The following KCNH5 variants were observed in gnomAD, a reference collection of about 807,000 sequenced individuals.
KCNH5 encodes the protein potassium voltage-gated channel subfamily H member 5.
Under a neutral mutation model 96.1 loss-of-function variants are expected in KCNH5, and 46 were observed. That is an observed-to-expected ratio of 0.48 (90% CI 0.38 to 0.61). The LOEUF is 0.61. KCNH5 is among the 20% of genes least tolerant of loss of function. The pLI, the probability that KCNH5 is intolerant of heterozygous loss-of-function variation, is 0.00. For synonymous variants in KCNH5, 439 were observed against 449.8 expected (o/e 0.98, Z 0.30); for missense variants, 907 against 1,225.8 (o/e 0.74, Z 3.88).
intron 7 of KCNH5, among the ~76,000 whole-genome samples, chr14:62,887,309 G>C (rs1888617045): frequency 6.6e-6 from 1 of 152,274 alleles, no homozygotes; most frequent in Middle Eastern, 3.4e-3. Flanking sequence ...GCATTAGTTA[G>C]ATATTCTGGT....
At chr14:62,800,683 T>C (rs896976031) in intron 9 of KCNH5, among the ~76,000 whole-genome samples, 2 of 152,198 alleles carry the variant, frequency 1.3e-5, no homozygotes, top group Admixed American at 6.5e-5. Flanking sequence ...CCTTGTATTT[T>C]ATCCTCTTCT....
chr14:62,791,340 C>G (rs1038828054), intron 9 of KCNH5, among the ~76,000 whole-genome samples: 2 of 151,324 alleles, frequency 1.3e-5, no homozygotes, highest in African/African-American at 4.8e-5. Context: ...AAGTAACTTA[C>G]AGTAAGTAAG....
At chr14:62,993,449 C>T (rs948094982) in intron 4 of KCNH5, among the ~76,000 whole-genome samples, 2 of 151,944 alleles carry the variant, frequency 1.3e-5, no homozygotes, top group Admixed American at 1.3e-4. Context: ...CCTTCTCTCC[C>T]ATCCACCTCC....
At chr14:62,899,372 T>G (rs1888876358) in intron 7 of KCNH5, among the ~76,000 whole-genome samples, 1 of 152,264 alleles carries the variant, frequency 6.6e-6, no homozygotes, top group East Asian at 1.9e-4. Context: ...AAACAAATCA[T>G]GTACTGTATA....
At chr14:62,711,398 C>G (rs181419189) in intron 10 of KCNH5, among the ~76,000 whole-genome samples, 2 of 152,192 alleles carry the variant, frequency 1.3e-5, no homozygotes, top group East Asian at 3.9e-4. Flanking sequence ...ATTTTGCTGT[C>G]GAGAAATGTA....
chr14:63,002,407 G>T (rs1891027532), intron 3 of KCNH5, among the ~76,000 whole-genome samples: 1 of 152,136 alleles, frequency 6.6e-6, no homozygotes, highest in African/African-American at 2.4e-5. Context: ...CAATCAAAGA[G>T]ACACATTTAC....
At chr14:62,765,814 C>A (rs1352180665) in intron 10 of KCNH5, among the ~76,000 whole-genome samples, 2 of 152,086 alleles carry the variant, frequency 1.3e-5, no homozygotes, top group African/African-American at 4.8e-5. Context: ...CCCACAAGCA[C>A]AGACAACAAA....
intron 10 of KCNH5, among the ~76,000 whole-genome samples, chr14:62,773,670 GA>G (rs1886037201): frequency 6.6e-6 from 1 of 152,110 alleles, no homozygotes. Flanking sequence ...TCAATCTGGA[GA>G]AAAATATGTT....
chr14:62,950,122 A>G lies in KCNH5; in HGVS notation c.1369+11T>C, dbSNP rs775817642. 2 of 1,611,660 alleles carry G rather than the reference A, an allele frequency of 1.2e-6. No individual in the cohort carries two copies. The highest frequency in any genetic ancestry group is 1.7e-6 in the Non-Finnish European group (2 of 1,178,522). ...AACAATAATTTTCAATGAAAAAATT[A>G]AAATACTTACAGCCAACCATCATCA... is the stretch of plus-strand genomic sequence containing the variant. On this transcript the variant is annotated intron_variant, in intron 7 of 10. Transcript: ENST00000322893.
At chr14:63,012,269 G>A (rs1203155290) in intron 2 of KCNH5, among the ~76,000 whole-genome samples, 1 of 152,144 alleles carries the variant, frequency 6.6e-6, no homozygotes, top group African/African-American at 2.4e-5. Context: ...CAAAGGCGTG[G>A]AAAATGCAGT....
chr14:62,936,547 T>C (rs1271411103), intron 7 of KCNH5, among the ~76,000 whole-genome samples: 1 of 151,526 alleles, frequency 6.6e-6, no homozygotes, highest in African/African-American at 2.4e-5. Flanking sequence ...TGGTGGTGCA[T>C]GCCTGTAGTC....
intron 6 of KCNH5, among the ~76,000 whole-genome samples, chr14:62,958,362 G>A (rs1890145436): frequency 1.3e-5 from 2 of 152,088 alleles, no homozygotes; most frequent in Admixed American, 1.3e-4. Flanking sequence ...CCTTCCAATA[G>A]CCTGGCCTTG....
intron 10 of KCNH5, among the ~76,000 whole-genome samples, chr14:62,721,203 G>A (rs1884806452): frequency 6.6e-6 from 1 of 151,130 alleles, no homozygotes; most frequent in Non-Finnish European, 1.5e-5. Flanking sequence ...GGGTATTGGA[G>A]AATTTGTCCT....
At chr14:62,782,607 G>A (rs577414204) in intron 9 of KCNH5, among the ~76,000 whole-genome samples, 57 of 152,154 alleles carry the variant, frequency 3.7e-4, no homozygotes, top group African/African-American at 8.9e-4. Context: ...TCAGAAGATC[G>A]AGACCATCCT....
At chr14:62,745,749 G>T (rs1297956712) in intron 10 of KCNH5, among the ~76,000 whole-genome samples, 1 of 152,204 alleles carries the variant, frequency 6.6e-6, no homozygotes, top group Non-Finnish European at 1.5e-5. Flanking sequence ...CTAATGAGGA[G>T]TTATTCAGCC....
At chr14:62,925,444 T>C (rs932562748) in intron 7 of KCNH5, among the ~76,000 whole-genome samples, 2 of 152,046 alleles carry the variant, frequency 1.3e-5, no homozygotes, top group South Asian at 2.1e-4. Flanking sequence ...TCCCAAAGTA[T>C]ACTATTATAT....
intron 4 of KCNH5, among the ~76,000 whole-genome samples, chr14:62,995,116 G>A (rs770143791): frequency 1.3e-5 from 2 of 152,170 alleles, no homozygotes; most frequent in Middle Eastern, 3.4e-3. Context: ...AATTCAGAGT[G>A]AGTCCATTTA....
chr14:62,755,260 C>T (rs1056231120), intron 10 of KCNH5, among the ~76,000 whole-genome samples: 21 of 151,748 alleles, frequency 1.4e-4, no homozygotes, highest in African/African-American at 5.1e-4. Context: ...AAAGTATAAC[C>T]AATACAGCAG....
chr14:62,950,785 A>C (rs1889990223), intron 6 of KCNH5, among the ~76,000 whole-genome samples: 1 of 152,204 alleles, frequency 6.6e-6, no homozygotes, highest in Non-Finnish European at 1.5e-5. Flanking sequence ...TTATTAGATA[A>C]AACAGATTTC....
Sources: allele counts gnomAD v4.1 joint callset (sites outside exome capture counted in the v4.1 genomes callset), GRCh38; gene constraint gnomAD v4.1.1; transcripts MANE v1.5; gene names NCBI Gene and HGNC (gene_info 2026-07-23, HGNC 2026-07-21).